Variants in TREML4 observed in about 807,000 individuals in gnomAD.
TREML4 encodes the protein triggering receptor expressed on myeloid cells like 4, also known as trem-like transcript 4 protein.
In TREML4, 25 loss-of-function variants were observed where a neutral mutation model predicts 25.4. The ratio of observed to expected loss-of-function variants is 0.98; its 90% CI spans 0.72 to 1.37. The LOEUF (loss-of-function observed/expected upper bound fraction) is 1.37. TREML4 is among the 40% of genes most tolerant of loss of function. The pLI is 0.00. For synonymous variants in TREML4, 92 were observed against 87.9 expected, an observed-to-expected ratio of 1.05 and a Z score of -0.26; for missense variants, 268 against 236.5, an observed-to-expected ratio of 1.13 and a Z score of -0.87.
intron 2 of TREML4, among the ~76,000 whole-genome samples, chr6:41,229,269 A>G (rs1766740174): frequency 2.0e-5 from 3 of 152,126 alleles, no homozygotes; most frequent in African/African-American, 7.2e-5. Flanking sequence ...GTCCCTGGAC[A>G]GAGACACAGT....
intron 4 of TREML4, chr6:41,231,172 G>GCA: frequency 3.0e-6 from 1 of 338,564 alleles, no homozygotes; most frequent in Non-Finnish European, 6.2e-6. Flanking sequence ...ATTACAACAT[G>GCA]ATAATAATAG....
Position 41,228,989 on chromosome 6 carries a change from C to G in TREML4, c.339C>G (p.Asn113Lys), listed in dbSNP as rs2101269. 1 of 1,613,896 alleles carries G rather than the reference C, an allele frequency of 6.2e-7. No individual in the cohort carries two copies. Among genetic ancestry groups the G allele is most frequent in the South Asian group, 1.1e-5 (1 of 91,084 alleles). Residue 113 changes from asparagine to lysine, a missense_variant, in exon 2 of 6, where the codon AAC becomes AAG. Coordinates refer to ENST00000341495, the MANE Select transcript of TREML4 (RefSeq NM_198153.3). Reference sequence around the variant, plus strand: ...GATTCTACTGGTGTGGAATCTACAACGCTTCCGAAAACATCATCACTGTTC... The same window carrying G: ...GATTCTACTGGTGTGGAATCTACAAGGCTTCCGAAAACATCATCACTGTTC... Reference protein sequence around the residue: ...DSGFYWCGIYNASENIITVLR... With the variant: ...DSGFYWCGIYKASENIITVLR...
chr6:41,236,861 A>G (rs1053967714), intron 5 of TREML4, among the ~76,000 whole-genome samples, 194 bp from the exon 6 acceptor site: 15 of 152,004 alleles, frequency 9.9e-5, no homozygotes, highest in African/African-American at 3.1e-4. Context: ...GAGGAAAAAG[A>G]CCAGGAGGAC....
intron 4 of TREML4, chr6:41,231,072 C>T (rs1766786522): frequency 2.3e-6 from 1 of 435,994 alleles, no homozygotes; most frequent in Non-Finnish European, 4.6e-6. Context: ...TCCCATCACT[C>T]CCAGATGGGA....
intron 2 of TREML4, 31 bp from the exon 3 acceptor site, chr6:41,229,490 A>G: frequency 6.2e-7 from 1 of 1,612,952 alleles, no homozygotes; most frequent in Non-Finnish European, 8.5e-7. Context: ...GGGCCCCTGG[A>G]GAGTCATTGT....
chr6:41,238,399 G>A lies in TREML4; in HGVS notation c.*1380G>A, dbSNP rs749157079. Reference sequence around the variant, plus strand: ...TGTGATAGACCTTTTTCATATGCTTGTCTTACTCCTTGCTGGGCACATATA... The same window carrying A: ...TGTGATAGACCTTTTTCATATGCTTATCTTACTCCTTGCTGGGCACATATA... On this transcript the variant is annotated 3_prime_UTR_variant, in exon 6 of 6. Coordinates refer to ENST00000341495, the MANE Select transcript of TREML4 (RefSeq NM_198153.3). The A allele has an allele frequency of 1.3e-5, 2 of 151,858 alleles. No individual in the cohort carries two copies. Among genetic ancestry groups the A allele is most frequent in the Non-Finnish European group, 2.9e-5 (2 of 67,984 alleles). 9.4% of individuals were successfully genotyped at this position (151,858 alleles called of 1,614,324 possible). A position where few individuals can be genotyped will look rare whatever the true frequency, so the allele number is the denominator to read the frequency against.
intron 4 of TREML4, 72 bp downstream of exon 4, chr6:41,230,194 A>T: frequency 7.7e-7 from 1 of 1,303,576 alleles, no homozygotes; most frequent in Admixed American, 1.7e-5. Context: ...TGAACCTTGG[A>T]ATCAAGTCCA....
In TREML4 at chr6:41,228,729, G is replaced by A. The variant is rs1258350764; in HGVS notation, c.79G>A (p.Glu27Lys). The A allele has an allele frequency of 1.9e-6, 3 of 1,613,148 alleles. No homozygotes were observed. The highest frequency in any genetic ancestry group is 2.5e-6 in the Non-Finnish European group (3 of 1,179,548). The change falls in exon 2 of 6, where the codon GAA becomes AAA. Residue 27 changes from glutamate to lysine, a missense_variant. Glu to Lys is a moderately conservative substitution (Grantham distance 56, BLOSUM62 1). Transcript: ENST00000341495. ...CTGGGTAAAGGGTGCTGTGCCTGAA[G>A]AACTTCACAAACACCCAGGACAGAC... Reference protein sequence around the residue: ...CSWPQGAVPEELHKHPGQTLL... With the variant: ...CSWPQGAVPEKLHKHPGQTLL...
intron 4 of TREML4, among the ~76,000 whole-genome samples, chr6:41,230,815 G>T (rs554273957): frequency 6.6e-6 from 1 of 152,166 alleles, no homozygotes; most frequent in African/African-American, 2.4e-5. Context: ...TGTGCTCTAG[G>T]GCAGTGATCC....
rs535429045 is a variant in TREML4, at chr6:41,237,001, G to C, written c.*36-54G>C. 9.8e-5 allele frequency: 16 copies of C among 163,136 alleles called. No homozygotes were observed. The South Asian group carries it at 2.6e-3, about 26-fold the overall frequency. 10.1% of individuals were successfully genotyped at this position (163,136 alleles called of 1,614,324 possible). On this transcript the variant is annotated intron_variant, in intron 5 of 5. Coordinates refer to ENST00000341495, the MANE Select transcript of TREML4 (RefSeq NM_198153.3). ...GTAACAGGGACAGGGTGAGACAAAG[G>C]ATCAGAAAAGCATCACTTCCATTCA...
chr6:41,228,707 G>A lies in TREML4; in HGVS notation c.64-7G>A, dbSNP rs1766725507. On this transcript the variant is annotated splice_polypyrimidine_tract_variant and splice_region_variant and intron_variant, in intron 1 of 5. Coordinates refer to ENST00000341495, the MANE Select transcript of TREML4 (RefSeq NM_198153.3). ...CTGGGTTTCTTTCTGCCGGTTCCTG[G>A]GTAAAGGGTGCTGTGCCTGAAGAAC... 2 of 1,608,968 alleles carry A rather than the reference G, an allele frequency of 1.2e-6. No homozygotes were observed. Among genetic ancestry groups the A allele is most frequent in the African/African-American group, 1.3e-5 (1 of 74,738 alleles).
At position 41,238,874 on chromosome 6, in the gene TREML4, C is replaced by T. The variant is rs1410602223; in HGVS notation, c.*1855C>T. 1 of 152,120 alleles carries T rather than the reference C, an allele frequency of 6.6e-6. No homozygotes were observed. The highest frequency in any genetic ancestry group is 1.5e-5 in the Non-Finnish European group (1 of 68,028). 9.4% of individuals were successfully genotyped at this position (152,120 alleles called of 1,614,324 possible). A position where few individuals can be genotyped will look rare whatever the true frequency, so the allele number is the denominator to read the frequency against. On this transcript the variant is annotated 3_prime_UTR_variant, in exon 6 of 6. Transcript: ENST00000341495. ...GGAAATTTTCATAATTAAAATGGTA[C>T]CTAAAATTAAACACTTGTGTCTTGA... is the stretch of plus-strand genomic sequence containing the variant.
intron 1 of TREML4, 82 bp downstream of exon 1, chr6:41,228,572 C>A (rs749594054): frequency 6.6e-7 from 1 of 1,520,870 alleles, no homozygotes; most frequent in Non-Finnish European, 8.9e-7. Flanking sequence ...GGCTGTGTGA[C>A]CATAGGACAG....
At position 41,228,813 on chromosome 6, in the gene TREML4, T is replaced by C. The variant is rs770307265; in HGVS notation, c.163T>C (p.Cys55Arg). 6.0e-5 allele frequency: 97 copies of C among 1,614,152 alleles called. 2 individuals carry two copies. The highest frequency in any genetic ancestry group is 2.0e-4 in the Admixed American group (12 of 60,024). ...AGGGCCCTATCAGCCCAAATCCTGG[T>C]GTCAGCAGACATCTCCAAGTCGGTG... is the stretch of plus-strand genomic sequence containing the variant. ...KRGPYQPKSW[C>R]QQTSPSRCTL... Residue 55 changes from cysteine to arginine, a missense_variant, in exon 2 of 6, where the codon TGT becomes CGT. Coordinates refer to ENST00000341495, the MANE Select transcript of TREML4 (RefSeq NM_198153.3).
At chr6:41,232,339 GT>G in intron 4 of TREML4, 1 of 400,876 alleles carries the variant, frequency 2.5e-6, no homozygotes, top group Non-Finnish European at 5.2e-6. Flanking sequence ...GGGAAAGTTT[GT>G]TTTTATCTTT....
At chr6:41,234,159 C>A (rs1766855726) in intron 4 of TREML4, among the ~76,000 whole-genome samples, 1 of 151,934 alleles carries the variant, frequency 6.6e-6, no homozygotes, top group African/African-American at 2.4e-5. Context: ...AAACCTAACG[C>A]AATGACATTA....
intron 2 of TREML4, 96 bp from the exon 3 acceptor site, chr6:41,229,425 T>G (rs948736611): frequency 1.5e-6 from 2 of 1,325,800 alleles, no homozygotes; most frequent in African/African-American, 2.9e-5. Flanking sequence ...ATCCTGAGGG[T>G]CTGGCTCTGG....
At chr6:41,233,242 A>G (rs531860990) in intron 4 of TREML4, among the ~76,000 whole-genome samples, 1 of 152,260 alleles carries the variant, frequency 6.6e-6, no homozygotes, top group Non-Finnish European at 1.5e-5. Flanking sequence ...AAAAGGTAGA[A>G]TCAAGTCCTA....
chr6:41,233,497 TA>T (rs1222921584), intron 4 of TREML4, among the ~76,000 whole-genome samples: 2 of 152,114 alleles, frequency 1.3e-5, no homozygotes, highest in South Asian at 2.1e-4. Context: ...CATTTGTTTA[TA>T]AAAAAGACAA....
Sources: gnomAD v4.1 joint callset for allele counts (sites outside exome capture counted in the v4.1 genomes callset) on GRCh38, gnomAD v4.1.1 for gene constraint, MANE v1.5 for transcripts, NCBI Gene and HGNC (gene_info 2026-07-23, HGNC 2026-07-21) for gene names.